Variants in MINAR1 observed in about 807,000 individuals in gnomAD.
MINAR1 encodes the protein major intrinsically disordered Notch2-binding receptor 1.
A neutral mutation model predicts 65.1 loss-of-function variants in MINAR1; 40 were observed. That is an observed-to-expected ratio of 0.61 (90% CI 0.48 to 0.80). The LOEUF (loss-of-function observed/expected upper bound fraction) is 0.80, where lower values mean the gene tolerates loss of function less well. Ranked by LOEUF, MINAR1 falls within the 30% of genes least tolerant of loss-of-function variation. The probability of loss-of-function intolerance (pLI) is 0.00; values close to 1 mark genes in which losing one functional copy is unlikely to be tolerated. For missense variants in MINAR1, 1,128 were observed against 1,148.0 expected (o/e 0.98, Z 0.25); for synonymous variants, 482 against 449.1 (o/e 1.07, Z -0.93).
At chr15:79,465,460 C>G (rs1895806182) in intron 3 of MINAR1, among the ~76,000 whole-genome samples, 1 of 152,114 alleles carries the variant, frequency 6.6e-6, no homozygotes, top group Non-Finnish European at 1.5e-5. Context: ...ATACACTCAC[C>G]TGTGTCCCTT....
At chr15:79,411,629 C>A in the MINAR1 span, 1 of 633,320 alleles carries the variant, frequency 1.6e-6, no homozygotes, top group Non-Finnish European at 2.9e-6. Flanking sequence ...CCCAGTGACT[C>A]CAGGGGAACA....
intron 1 of MINAR1, among the ~76,000 whole-genome samples, chr15:79,450,504 A>G (rs1438042835): frequency 6.6e-6 from 1 of 151,706 alleles, no homozygotes; most frequent in African/African-American, 2.4e-5. Context: ...AGAACTTTTC[A>G]TGGAATCAGT....
chr15:79,443,307 G>A (rs550525049), intron 1 of MINAR1, among the ~76,000 whole-genome samples: 4 of 152,196 alleles, frequency 2.6e-5, no homozygotes, highest in African/African-American at 9.7e-5. Flanking sequence ...AGTAGAATCT[G>A]TGCCTGGTCC....
chr15:79,465,214 C>CA lies in MINAR1; in HGVS notation c.2553+1899dup, dbSNP rs1314951267. Among the ~76,000 whole-genome samples the CA allele has an allele frequency of 4.6e-5, 7 of 152,178 alleles. No homozygotes were observed. In the East Asian group the frequency reaches 1.4e-3, roughly 29 times the overall value. On this transcript the variant is annotated intron_variant, in intron 3 of 3. Coordinates refer to ENST00000305428, the MANE Select transcript of MINAR1 (RefSeq NM_015206.3). The stretch of plus-strand genomic sequence containing the variant: ...AATAGCCGTGTGAGGGTGTTTACAG[C>CA]AAAAAAGAGCCAACCTTGAGAGCTT...
At chr15:79,423,771 C>T in the MINAR1 span, 1 of 152,236 alleles carries the variant, frequency 6.6e-6, no homozygotes, top group Non-Finnish European at 1.5e-5. Flanking sequence ...CTAAACCTTT[C>T]ATTGCCTCAA....
chr15:79,453,828 G>A (rs142281270), intron 1 of MINAR1, among the ~76,000 whole-genome samples: 1 of 152,308 alleles, frequency 6.6e-6, no homozygotes, highest in African/African-American at 2.4e-5. Flanking sequence ...TTTGACCTGG[G>A]ATTTCCTTTG....
chr15:79,440,250 C>A (rs888701676), intron 1 of MINAR1, among the ~76,000 whole-genome samples: 2 of 152,108 alleles, frequency 1.3e-5, no homozygotes, highest in Non-Finnish European at 2.9e-5. Context: ...GTGAGTTTCC[C>A]GCATAAGGAG....
upstream of MINAR1, among the ~76,000 whole-genome samples, chr15:79,431,657 A>G (rs1341821132): frequency 6.6e-6 from 1 of 152,216 alleles, no homozygotes; most frequent in Admixed American, 6.5e-5. Flanking sequence ...GCAGAGTCCG[A>G]AGCCCCGAGT....
chr15:79,442,592 GA>G (rs35688303), intron 1 of MINAR1, among the ~76,000 whole-genome samples: 31,530 of 122,666 alleles, frequency 0.26, 5,127 homozygotes, highest in African/African-American at 0.52. Flanking sequence ...CCATAAAAAT[GA>G]AAAAAAAAAA....
In MINAR1 at chr15:79,458,302, A is replaced by T. The variant is rs755565114; in HGVS notation, c.2155A>T (p.Thr719Ser). ...GTCCCTAACAGAGGAGAACAGTGCC[A>T]CAGAGTCCAAAATTGCCAGCATCTC... Reference protein sequence around the residue: ...SRSLTEENSATESKIASISNS... With the variant: ...SRSLTEENSASESKIASISNS... Residue 719 changes from threonine to serine, a missense_variant, in exon 2 of 4, where the codon ACA becomes TCA. Transcript: ENST00000305428. The T allele has an allele frequency of 1.9e-6, 3 of 1,614,096 alleles. No homozygotes were observed. The highest frequency in any genetic ancestry group is 2.5e-6 in the Non-Finnish European group (3 of 1,180,056).
chr15:79,447,666 T>C (rs1001229444), intron 1 of MINAR1, among the ~76,000 whole-genome samples: 2 of 152,206 alleles, frequency 1.3e-5, no homozygotes, highest in Non-Finnish European at 2.9e-5. Context: ...CTTGCAGCCA[T>C]GGACATTAGC....
intron 1 of MINAR1, among the ~76,000 whole-genome samples, chr15:79,435,250 TG>T (rs1184705089): frequency 2.0e-5 from 3 of 147,694 alleles, no homozygotes; most frequent in Admixed American, 6.8e-5. Context: ...CACTCCAGCC[TG>T]GGCAACAAGA....
chr15:79,455,741 C>T (rs1224901672), intron 1 of MINAR1, among the ~76,000 whole-genome samples: 1 of 152,124 alleles, frequency 6.6e-6, no homozygotes, highest in Non-Finnish European at 1.5e-5. Context: ...CGTAGTAGTC[C>T]ATTGTAAGAA....
the MINAR1 span, chr15:79,424,092 C>T: frequency 2.6e-5 from 4 of 152,188 alleles, no homozygotes; most frequent in African/African-American, 9.7e-5. Flanking sequence ...ACATCCCTGA[C>T]ATCATGAAGG....
chr15:79,456,884 A>G lies in MINAR1; in HGVS notation c.737A>G (p.Glu246Gly). The part of the protein sequence containing the change: ...SIKETFISNE[E>G]PFVVQSCVQK... ...AAGGAGACCTTCATTTCCAATGAGG[A>G]GCCATTTGTGGTCCAGTCCTGTGTC... The change falls in exon 2 of 4, where the codon GAG (glutamate) becomes GGG (glycine). Residue 246 changes from glutamate to glycine, a missense_variant. By Grantham distance (98) the Glu-to-Gly change is moderately conservative. Transcript: ENST00000305428. The G allele has an allele frequency of 6.2e-7, 1 of 1,614,126 alleles. No homozygotes were observed. Among genetic ancestry groups the G allele is most frequent in the Non-Finnish European group, 8.5e-7 (1 of 1,180,034 alleles).
chr15:79,458,965 T>G (rs1468977560), intron 2 of MINAR1, among the ~76,000 whole-genome samples: 1 of 152,052 alleles, frequency 6.6e-6, no homozygotes, highest in Non-Finnish European at 1.5e-5. Context: ...GATCATGAGG[T>G]CAGGAGTTTG....
chr15:79,447,359 T>C (rs1001713272), intron 1 of MINAR1, among the ~76,000 whole-genome samples: 1 of 152,224 alleles, frequency 6.6e-6, no homozygotes, highest in Non-Finnish European at 1.5e-5. Context: ...CTTTTCCAGA[T>C]CTGTATGTAC....
chr15:79,435,348 GT>G (rs1299162193), intron 1 of MINAR1, among the ~76,000 whole-genome samples: 1 of 152,092 alleles, frequency 6.6e-6, no homozygotes, highest in Non-Finnish European at 1.5e-5. Flanking sequence ...CACTCTCAGT[GT>G]GGTGTCTGAA....
the MINAR1 span, chr15:79,418,087 T>C: frequency 6.6e-6 from 1 of 152,004 alleles, no homozygotes; most frequent in South Asian, 2.1e-4. Flanking sequence ...TGGGAAAAGG[T>C]AGAATTAATC....
Sources: allele counts gnomAD v4.1 joint callset (sites outside exome capture counted in the v4.1 genomes callset), GRCh38; gene constraint gnomAD v4.1.1; transcripts MANE v1.5; gene names NCBI Gene and HGNC (gene_info 2026-07-23, HGNC 2026-07-21).